Variants in ARB2A observed in about 807,000 individuals in gnomAD.
The protein encoded by ARB2A is cotranscriptional regulator ARB2A.
At chr5:93,975,429 A>G in the ARB2A span, among the ~76,000 whole-genome samples, 1 of 152,016 alleles carries the variant, frequency 6.6e-6, no homozygotes, top group South Asian at 2.1e-4. Context: ...TGGTAGAAGG[A>G]AAAAATAATT....
the ARB2A span, among the ~76,000 whole-genome samples, chr5:93,977,836 A>G: frequency 6.6e-6 from 1 of 152,224 alleles, no homozygotes; most frequent in Non-Finnish European, 1.5e-5. Context: ...GACAATCTAT[A>G]GAACAGAAGA....
chr5:93,650,508 A>G, the ARB2A span, among the ~76,000 whole-genome samples: 3 of 152,318 alleles, frequency 2.0e-5, no homozygotes, highest in East Asian at 1.9e-4. Context: ...TAAACAAAGC[A>G]TAAGTGACCT....
the ARB2A span, among the ~76,000 whole-genome samples, chr5:93,869,540 G>T: frequency 1.3e-5 from 2 of 152,082 alleles, no homozygotes; most frequent in Admixed American, 1.3e-4. Context: ...GCTAAAGCAG[G>T]TACTAAGTAC....
At chr5:93,791,594 C>T in the ARB2A span, among the ~76,000 whole-genome samples, 14 of 152,152 alleles carry the variant, frequency 9.2e-5, no homozygotes, top group African/African-American at 3.1e-4. Context: ...AGCTGGATCT[C>T]CACTGTAGCA....
At chr5:93,722,405 A>G in the ARB2A span, among the ~76,000 whole-genome samples, 1 of 152,158 alleles carries the variant, frequency 6.6e-6, no homozygotes, top group Non-Finnish European at 1.5e-5. Context: ...TGTACTTTAA[A>G]AAAATCTATA....
At chr5:93,715,846 GAAGT>G in the ARB2A span, among the ~76,000 whole-genome samples, 1 of 152,022 alleles carries the variant, frequency 6.6e-6, no homozygotes, top group Non-Finnish European at 1.5e-5. Flanking sequence ...TTTTTTAAAG[GAAGT>G]ATTTTCACAA....
At chr5:94,010,198 T>G in the ARB2A span, among the ~76,000 whole-genome samples, 1 of 152,274 alleles carries the variant, frequency 6.6e-6, no homozygotes, top group East Asian at 1.9e-4. Context: ...CAAATTCTCC[T>G]GCAAGCATTG....
chr5:93,625,045 T>C, the ARB2A span, among the ~76,000 whole-genome samples: 1 of 152,170 alleles, frequency 6.6e-6, no homozygotes, highest in Non-Finnish European at 1.5e-5. Flanking sequence ...ACCATGCCCA[T>C]GGTACTTGAG....
At chr5:93,630,438 A>C in the ARB2A span, among the ~76,000 whole-genome samples, 5 of 152,220 alleles carry the variant, frequency 3.3e-5, no homozygotes, top group African/African-American at 1.2e-4. Flanking sequence ...GATTGTATTG[A>C]GACTGTAAAG....
the ARB2A span, among the ~76,000 whole-genome samples, chr5:93,952,207 C>T: frequency 6.6e-6 from 1 of 152,158 alleles, no homozygotes; most frequent in Non-Finnish European, 1.5e-5. Flanking sequence ...TGACATTCTT[C>T]ACAGAAATAG....
At chr5:93,709,569 G>T in the ARB2A span, among the ~76,000 whole-genome samples, 1 of 137,730 alleles carries the variant, frequency 7.3e-6, no homozygotes, top group South Asian at 2.4e-4. Context: ...GGAGGCGAAG[G>T]TTGCAGTGAG....
chr5:93,783,301 A>C, the ARB2A span, among the ~76,000 whole-genome samples: 1 of 152,208 alleles, frequency 6.6e-6, no homozygotes, highest in African/African-American at 2.4e-5. Context: ...ACCCATCTTT[A>C]CATGTTTATA....
At chr5:94,052,686 T>C in the ARB2A span, among the ~76,000 whole-genome samples, 2 of 152,228 alleles carry the variant, frequency 1.3e-5, no homozygotes, top group African/African-American at 4.8e-5. Context: ...AAAACAAGGA[T>C]GTTGCCTGAA....
the ARB2A span, among the ~76,000 whole-genome samples, chr5:93,997,487 C>T: frequency 2.0e-5 from 3 of 151,960 alleles, no homozygotes; most frequent in African/African-American, 7.2e-5. Context: ...AAGGTATACA[C>T]GATCTTTGCG....
the ARB2A span, chr5:93,743,543 T>C: frequency 2.0e-6 from 2 of 984,940 alleles, no homozygotes; most frequent in Non-Finnish European, 2.4e-6. Context: ...TTACATGCTA[T>C]TTTTTTCAAA....
chr5:93,791,361 T>G, the ARB2A span, among the ~76,000 whole-genome samples: 75 of 152,258 alleles, frequency 4.9e-4, no homozygotes, highest in Non-Finnish European at 8.8e-5. Flanking sequence ...AATGCTACCC[T>G]GGCAAACAGG....
chr5:94,089,282 C>A, the ARB2A span, among the ~76,000 whole-genome samples: 1 of 152,104 alleles, frequency 6.6e-6, no homozygotes, highest in Non-Finnish European at 1.5e-5. Context: ...GTACACAAAT[C>A]AGCAGTGAGA....
chr5:93,770,172 G>A, the ARB2A span, among the ~76,000 whole-genome samples: 1 of 152,122 alleles, frequency 6.6e-6, no homozygotes. Context: ...TCAATAAAAG[G>A]TTAAGGTTGT....
the ARB2A span, among the ~76,000 whole-genome samples, chr5:93,933,785 A>G: frequency 1.2e-4 from 19 of 152,254 alleles, no homozygotes; most frequent in African/African-American, 4.3e-4. Flanking sequence ...CATGTATCCC[A>G]GAGCTTAAAG....
Sources: gnomAD v4.1 joint callset for allele counts (sites outside exome capture counted in the v4.1 genomes callset) on GRCh38, gnomAD v4.1.1 for gene constraint, MANE v1.5 for transcripts, NCBI Gene and HGNC (gene_info 2026-07-23, HGNC 2026-07-21) for gene names.